Variants in KCNIP4 observed in about 807,000 individuals in gnomAD.
The protein encoded by KCNIP4 is Kv channel-interacting protein 4.
Under a neutral mutation model 34.0 loss-of-function variants are expected in KCNIP4, and 12 were observed. The ratio of observed to expected loss-of-function variants is 0.35; its 90% CI spans 0.23 to 0.57. The LOEUF is 0.57. Among genes scored for constraint, KCNIP4 ranks in the 20% least tolerant of loss-of-function variants. The probability of loss-of-function intolerance (pLI) is 0.83; values close to 1 mark genes in which losing one functional copy is unlikely to be tolerated. For missense variants in KCNIP4, 238 were observed against 311.7 expected (o/e 0.76, Z 1.78); for synonymous variants, 124 against 102.2 (o/e 1.21, Z -1.29).
intron 1 of KCNIP4, among the ~76,000 whole-genome samples, chr4:21,538,813 A>G (rs1034136544): frequency 2.6e-5 from 4 of 152,202 alleles, no homozygotes; most frequent in Non-Finnish European, 5.9e-5. Flanking sequence ...GACTGAAAAC[A>G]TAAAACTGTT....
intron 5 of KCNIP4, among the ~76,000 whole-genome samples, chr4:20,740,964 A>C (rs981854921): frequency 1.3e-5 from 2 of 152,190 alleles, no homozygotes; most frequent in Non-Finnish European, 2.9e-5. Flanking sequence ...AAAGATCAAA[A>C]CAGACAAAGA....
At chr4:21,657,684 CTCTT>C (rs1300060395) in intron 1 of KCNIP4, among the ~76,000 whole-genome samples, 4 of 152,266 alleles carry the variant, frequency 2.6e-5, no homozygotes, top group Non-Finnish European at 4.4e-5. Context: ...CTGAATGAGG[CTCTT>C]TCTTTGAGTC....
At chr4:21,147,691 C>T (rs1752457727) in intron 1 of KCNIP4, among the ~76,000 whole-genome samples, 1 of 152,046 alleles carries the variant, frequency 6.6e-6, no homozygotes, top group South Asian at 2.1e-4. Context: ...GTTATCCCAT[C>T]ACTTTGGGAG....
intron 1 of KCNIP4, among the ~76,000 whole-genome samples, chr4:21,045,151 G>A (rs749279218): frequency 3.3e-5 from 5 of 152,160 alleles, no homozygotes; most frequent in Non-Finnish European, 7.3e-5. Flanking sequence ...GAGATCTATA[G>A]TGTGTCCTAC....
At chr4:21,744,467 A>T (rs542196313) in intron 1 of KCNIP4, among the ~76,000 whole-genome samples, 2 of 152,306 alleles carry the variant, frequency 1.3e-5, no homozygotes, top group South Asian at 4.1e-4. Flanking sequence ...ACTTATTTCA[A>T]CCATTTTAAA....
At chr4:21,027,172 A>T (rs1025719847) in intron 1 of KCNIP4, among the ~76,000 whole-genome samples, 8 of 152,204 alleles carry the variant, frequency 5.3e-5, no homozygotes, top group African/African-American at 1.9e-4. Flanking sequence ...ATGGAGGTAG[A>T]CTAAAAGAAA....
chr4:21,938,128 A>G (rs914926043), intron 1 of KCNIP4, among the ~76,000 whole-genome samples: 3 of 152,076 alleles, frequency 2.0e-5, no homozygotes, highest in Non-Finnish European at 1.5e-5. Context: ...TGCCTGAAAC[A>G]TTCAAAATTC....
At chr4:21,652,564 C>A (rs1560594915) in intron 1 of KCNIP4, among the ~76,000 whole-genome samples, 2 of 152,102 alleles carry the variant, frequency 1.3e-5, no homozygotes, top group Non-Finnish European at 2.9e-5. Context: ...AAAGGCTACT[C>A]CTGTGCTTGC....
intron 1 of KCNIP4, among the ~76,000 whole-genome samples, chr4:21,227,833 A>G (rs1016996013): frequency 2.0e-5 from 3 of 152,148 alleles, no homozygotes; most frequent in African/African-American, 7.2e-5. Context: ...CATAGAGCTG[A>G]CATACTCCTG....
chr4:21,439,317 T>C (rs1727239091), intron 1 of KCNIP4, among the ~76,000 whole-genome samples: 1 of 152,198 alleles, frequency 6.6e-6, no homozygotes, highest in African/African-American at 2.4e-5. Context: ...ATATTTTTCC[T>C]GTATATCCGC....
At chr4:21,285,694 A>C (rs1210787837) in intron 1 of KCNIP4, among the ~76,000 whole-genome samples, 1 of 151,986 alleles carries the variant, frequency 6.6e-6, no homozygotes, top group African/African-American at 2.4e-5. Flanking sequence ...ACAAAAAAAA[A>C]GCCAGGCATG....
At chr4:21,008,733 C>T (rs2149728651) in intron 1 of KCNIP4, among the ~76,000 whole-genome samples, 1 of 151,900 alleles carries the variant, frequency 6.6e-6, no homozygotes. Context: ...ACCGTGTTAT[C>T]TAGGATGGTC....
At chr4:20,836,869 CTCTTT>C (rs914344605) in intron 3 of KCNIP4, among the ~76,000 whole-genome samples, 2 of 135,470 alleles carry the variant, frequency 1.5e-5, no homozygotes, top group Admixed American at 7.1e-5. Context: ...ATAGAGTTCT[CTCTTT>C]TTTTTTTTCC....
At chr4:20,932,851 T>A (rs1730628096) in intron 1 of KCNIP4, among the ~76,000 whole-genome samples, 1 of 152,176 alleles carries the variant, frequency 6.6e-6, no homozygotes, top group Non-Finnish European at 1.5e-5. Context: ...AGTTCACTTA[T>A]ATGACAAAAT....
At chr4:21,557,242 G>A (rs1739140483) in intron 1 of KCNIP4, among the ~76,000 whole-genome samples, 2 of 152,078 alleles carry the variant, frequency 1.3e-5, no homozygotes, top group Non-Finnish European at 2.9e-5. Context: ...TTCATCGCTA[G>A]TAGACTATAC....
intron 1 of KCNIP4, among the ~76,000 whole-genome samples, chr4:21,919,132 T>G (rs536121077): frequency 2.7e-4 from 41 of 152,286 alleles, no homozygotes; most frequent in Non-Finnish European, 5.4e-4. Flanking sequence ...GTAGAGAGTT[T>G]TGTCTTAACA....
intron 1 of KCNIP4, among the ~76,000 whole-genome samples, chr4:21,673,088 G>A (rs575192155): frequency 6.6e-6 from 1 of 152,188 alleles, no homozygotes; most frequent in Non-Finnish European, 1.5e-5. Flanking sequence ...CATCATGATT[G>A]CCATAGCCTG....
At chr4:21,279,797 T>C (rs890505451) in intron 1 of KCNIP4, among the ~76,000 whole-genome samples, 9 of 152,032 alleles carry the variant, frequency 5.9e-5, no homozygotes, top group African/African-American at 2.2e-4. Flanking sequence ...TCCTCTTCTG[T>C]AAAATGGGCA....
At chr4:20,953,536 G>C (rs2149645287) in intron 1 of KCNIP4, among the ~76,000 whole-genome samples, 1 of 152,168 alleles carries the variant, frequency 6.6e-6, no homozygotes, top group South Asian at 2.1e-4. Flanking sequence ...ACAAAAATTA[G>C]CCTGGCATGA....
Sources: gnomAD v4.1 joint callset for allele counts (sites outside exome capture counted in the v4.1 genomes callset) on GRCh38, gnomAD v4.1.1 for gene constraint, MANE v1.5 for transcripts, NCBI Gene and HGNC (gene_info 2026-07-23, HGNC 2026-07-21) for gene names.